GPC6: variants seen among roughly 807,000 people sequenced by gnomAD.
GPC6 encodes the protein glypican 6.
GPC6 carries 14 observed loss-of-function variants against 55.2 expected under a neutral mutation model. That is an observed-to-expected ratio of 0.25 (90% CI 0.17 to 0.40). The LOEUF is 0.40. Ranked by LOEUF, GPC6 falls within the 10% of genes least tolerant of loss-of-function variation. The pLI is 1.00. For synonymous variants in GPC6, 278 were observed against 259.6 expected, an observed-to-expected ratio of 1.07 and a Z score of -0.68; for missense variants, 641 against 708.5, an observed-to-expected ratio of 0.90 and a Z score of 1.08.
intron 3 of GPC6, among the ~76,000 whole-genome samples, chr13:93,885,138 G>A (rs937210636): frequency 3.9e-5 from 6 of 151,998 alleles, no homozygotes; most frequent in African/African-American, 1.4e-4. Context: ...TTACACTACA[G>A]CCCATTAACT....
intron 2 of GPC6, among the ~76,000 whole-genome samples, chr13:93,746,273 G>A (rs1166064705): frequency 1.3e-5 from 2 of 152,190 alleles, no homozygotes; most frequent in Non-Finnish European, 2.9e-5. Context: ...TACAGAAGGT[G>A]CATAGGATAA....
intron 6 of GPC6, among the ~76,000 whole-genome samples, chr13:94,346,086 G>A (rs957568597): frequency 3.9e-5 from 6 of 152,054 alleles, no homozygotes; most frequent in African/African-American, 1.2e-4. Flanking sequence ...GCATGTCTGT[G>A]TCTGTGGTCT....
chr13:93,560,241 C>A (rs1343755300), intron 2 of GPC6, among the ~76,000 whole-genome samples: 1 of 151,734 alleles, frequency 6.6e-6, no homozygotes, highest in African/African-American at 2.4e-5. Context: ...TGCAGTTAGG[C>A]TCACTCCTTT....
intron 4 of GPC6, among the ~76,000 whole-genome samples, chr13:94,120,541 C>A (rs1330394438): frequency 6.8e-6 from 1 of 147,622 alleles, no homozygotes; most frequent in South Asian, 2.1e-4. Context: ...TTTTTTTTTT[C>A]CCCTGAAAAG....
At chr13:94,330,202 C>T (rs1454748282) in intron 6 of GPC6, among the ~76,000 whole-genome samples, 1 of 152,196 alleles carries the variant, frequency 6.6e-6, no homozygotes, top group Non-Finnish European at 1.5e-5. Flanking sequence ...CAACCCTTGC[C>T]TATGTTATGC....
rs138375017 is a variant in GPC6 at position 93,555,902 on chromosome 13, C to T, written c.319+10481C>T. On this transcript the variant is annotated intron_variant, in intron 2 of 8. Transcript: ENST00000377047. ...CTCCACCACACTTAACACTGGCTTA[C>T]GTGGAATTGAGAGGTTAGTTAGCAG... is the stretch of plus-strand genomic sequence containing the variant. 6.1e-3 allele frequency among the ~76,000 whole-genome samples: 935 copies of T among 152,138 alleles called. 7 individuals carry two copies. The highest frequency in any genetic ancestry group is 0.021 in the African/African-American group (880 of 41,498).
At chr13:94,343,659 G>A (rs1309858713) in intron 6 of GPC6, among the ~76,000 whole-genome samples, 4 of 152,190 alleles carry the variant, frequency 2.6e-5, no homozygotes, top group African/African-American at 7.2e-5. Context: ...CACAACAGAG[G>A]CACAGGAAAT....
chr13:93,410,210 A>G (rs1876443618), intron 1 of GPC6, among the ~76,000 whole-genome samples: 1 of 152,220 alleles, frequency 6.6e-6, no homozygotes, highest in African/African-American at 2.4e-5. Flanking sequence ...TTTAATTCCT[A>G]AAACATGGCC....
In GPC6 at chr13:93,561,447, T is replaced by C. The variant is rs9589769; in HGVS notation, c.319+16026T>C. ...TATATTTGTTGCAGTTCTTATATTC[T>C]AATACTGTTTTCTTTTCCATTTTCC... On this transcript the variant is annotated intron_variant, in intron 2 of 8. Transcript: ENST00000377047. Among the ~76,000 whole-genome samples the C allele has an allele frequency of 3.0e-3, 330 of 109,110 alleles. 2 individuals are homozygous for C. The highest frequency in any genetic ancestry group is 0.013 in the African/African-American group (322 of 25,058). 71.6% of individuals were successfully genotyped at this position (109,110 alleles called of 152,430 possible).
chr13:94,296,148 C>A (rs575269494), intron 5 of GPC6, among the ~76,000 whole-genome samples: 1 of 152,150 alleles, frequency 6.6e-6, no homozygotes, highest in African/African-American at 2.4e-5. Flanking sequence ...TGAAAACATG[C>A]TTATGATGCA....
chr13:94,265,092 A>G (rs1891760128), intron 4 of GPC6, among the ~76,000 whole-genome samples: 1 of 152,206 alleles, frequency 6.6e-6, no homozygotes, highest in Admixed American at 6.5e-5. Flanking sequence ...AGACCATATC[A>G]ACTTGTTACT....
At chr13:94,291,932 C>T (rs1013679514) in intron 5 of GPC6, among the ~76,000 whole-genome samples, 2 of 152,098 alleles carry the variant, frequency 1.3e-5, no homozygotes, top group Admixed American at 6.6e-5. Flanking sequence ...ATATGATTGG[C>T]AACTTCTCCT....
intron 4 of GPC6, among the ~76,000 whole-genome samples, chr13:94,215,803 A>G (rs1418435806): frequency 6.6e-6 from 1 of 152,144 alleles, no homozygotes; most frequent in Non-Finnish European, 1.5e-5. Context: ...CATTTTGTGC[A>G]CAAATTTTAG....
At chr13:93,239,508 C>G (rs933771450) in intron 1 of GPC6, among the ~76,000 whole-genome samples, 8 of 151,638 alleles carry the variant, frequency 5.3e-5, no homozygotes, top group African/African-American at 1.9e-4. Context: ...TCTGATTGAG[C>G]TTATTTGAAT....
intron 3 of GPC6, among the ~76,000 whole-genome samples, chr13:93,847,755 C>T (rs563930699): frequency 1.2e-4 from 18 of 152,046 alleles, no homozygotes; most frequent in African/African-American, 4.1e-4. Context: ...ATACTTTCAC[C>T]GCCATGCTGC....
intron 2 of GPC6, among the ~76,000 whole-genome samples, chr13:93,780,169 A>T (rs1030733403): frequency 1.3e-5 from 2 of 152,118 alleles, no homozygotes; most frequent in Non-Finnish European, 2.9e-5. Flanking sequence ...CCGACAATTT[A>T]AAAAAAGCAT....
At chr13:93,952,831 G>GTA (rs989516614) in intron 3 of GPC6, among the ~76,000 whole-genome samples, 4 of 145,212 alleles carry the variant, frequency 2.8e-5, no homozygotes, top group Admixed American at 7.0e-5. Context: ...ATATATATAC[G>GTA]TATATATCAC....
chr13:93,382,250 T>C (rs534955654), intron 1 of GPC6, among the ~76,000 whole-genome samples: 1 of 152,280 alleles, frequency 6.6e-6, no homozygotes, highest in African/African-American at 2.4e-5. Flanking sequence ...GGCTTTCTAA[T>C]TATCTTGAAT....
At chr13:93,542,080 A>G (rs980637935) in intron 1 of GPC6, among the ~76,000 whole-genome samples, 13 of 152,198 alleles carry the variant, frequency 8.5e-5, no homozygotes, top group African/African-American at 1.7e-4. Flanking sequence ...TTGGTGTTTT[A>G]GACATGAAGT....
Sources: gnomAD v4.1 joint callset for allele counts (sites outside exome capture counted in the v4.1 genomes callset) on GRCh38, gnomAD v4.1.1 for gene constraint, MANE v1.5 for transcripts, NCBI Gene and HGNC (gene_info 2026-07-23, HGNC 2026-07-21) for gene names.